The following NBPF19 variants were observed in gnomAD, a reference collection of about 807,000 sequenced individuals.
NBPF19 encodes the protein NBPF member 19, also known as NBPF family member NBPF19.
A neutral mutation model predicts 45.9 loss-of-function variants in NBPF19; 30 were observed. The ratio of observed to expected loss-of-function variants is 0.65; its 90% CI spans 0.49 to 0.89. The LOEUF (loss-of-function observed/expected upper bound fraction) is 0.89, where lower values mean the gene tolerates loss of function less well. Ranked by LOEUF, NBPF19 falls within the 40% of genes least tolerant of loss-of-function variation. The pLI is 0.00. For missense variants in NBPF19, 495 were observed against 471.8 expected (o/e 1.05, Z -0.46); for synonymous variants, 183 against 181.2 (o/e 1.01, Z -0.08).
rs1347325987 is a variant in NBPF19, at chr1:149,554,537, A to T, written c.11331A>T (p.Leu3777Phe). 1.2e-6 allele frequency: 2 copies of T among 1,608,006 alleles called. No individual in the cohort carries two copies. The highest frequency in any genetic ancestry group is 1.3e-5 in the African/African-American group (1 of 74,562). The change falls in exon 94 of 94, where the codon TTA becomes TTT. Residue 3777 changes from leucine (L) to phenylalanine (F), a missense_variant. Around this residue, in one of 8 missense-constraint regions of NBPF19, gnomAD observed 248 missense variants for 95.4 expected, o/e 2.60. Transcript: ENST00000651566. ...TGGAAGTGGAAGAGCCTGAAGTCTT[A>T]CAGGACTCACTGGATGGATGTTATT... ...VLMEVEEPEV[L>F]QDSLDGCYST...
At chr1:149,484,495 A>T (rs2085395411) in intron 7 of NBPF19, among the ~76,000 whole-genome samples, 1 of 145,866 alleles carries the variant, frequency 6.9e-6, no homozygotes, top group East Asian at 2.2e-4. Flanking sequence ...TTAAAGTATT[A>T]AAAAAAATAT....
chr1:149,488,074 T>C lies in NBPF19; in HGVS notation c.1102T>C (p.Cys368Arg), dbSNP rs1334734655. The C allele has an allele frequency of 1.5e-6, 1 of 671,532 alleles. No homozygotes were observed. The highest frequency in any genetic ancestry group is 2.3e-5 in the Admixed American group (1 of 44,272). The allele number at this position is 671,532 out of a possible 1,614,324, so 41.6% of individuals were successfully genotyped here. ...PEVLQDSLDR[C>R]YSTPSGCLEL... ...AGTCTTGCAGGACTCACTGGATAGA[T>C]GTTATTCAACTCCTTCAGGTTGTCT... Residue 368 changes from cysteine to arginine, a missense_variant, in exon 10 of 94, where the codon TGT becomes CGT. Transcript: ENST00000651566.
rs2086672110 is a variant in NBPF19, at chr1:149,520,654, G to A, written c.6135G>A (p.Gly2045=). The change falls in exon 51 of 94, where the codon GGG becomes GGA. Residue 2045 remains glycine (G), a synonymous_variant. Coordinates refer to ENST00000651566, the MANE Select transcript of NBPF19 (RefSeq NM_001351365.2). ...KKERRRGRKE[G]EEDQNPPCPR... ...AAAGAAGAAGGGGAAGAAAAGAAGGGGAAGAAGATCAAAACCCACCATGCC... is the reference window on the plus strand; with the variant it reads ...AAAGAAGAAGGGGAAGAAAAGAAGGAGAAGAAGATCAAAACCCACCATGCC... 3.8e-5 allele frequency: 1 copy of A among 26,010 alleles called. No homozygotes were observed. Among genetic ancestry groups the A allele is most frequent in the Admixed American group, 5.6e-4 (1 of 1,796 alleles). 1.6% of individuals were successfully genotyped at this position (26,010 alleles called of 1,614,324 possible).
At chr1:149,535,272 GTA>G (rs1242674580) in intron 69 of NBPF19, among the ~76,000 whole-genome samples, 1 of 87,502 alleles carries the variant, frequency 1.1e-5, no homozygotes, top group Non-Finnish European at 2.5e-5. Context: ...TCCCTTACCA[GTA>G]TGTCACCTGG....
rs1437212713 is a variant in NBPF19 at position 149,478,813 on chromosome 1, G to C, written c.279-67G>C. On this transcript the variant is annotated intron_variant, in intron 3 of 93. Coordinates refer to ENST00000651566, the MANE Select transcript of NBPF19 (RefSeq NM_001351365.2). ...TGAGGACATTGTCTCAGAAGTCTCT[G>C]TTGCAATATTTGAACGGATCACTCA... The C allele has an allele frequency of 8.0e-6, 11 of 1,375,466 alleles. No individual in the cohort carries two copies. The African/African-American group carries it at 1.0e-4, about 12-fold the overall frequency. The allele number at this position is 1,375,466 out of a possible 1,614,324, so 85.2% of individuals were successfully genotyped here. A position where few individuals can be genotyped will look rare whatever the true frequency, so the allele number is the denominator to read the frequency against.
chr1:149,486,850 G>T (rs1206032728), intron 8 of NBPF19, among the ~76,000 whole-genome samples: 15 of 150,464 alleles, frequency 1.0e-4, no homozygotes, highest in African/African-American at 2.0e-4. Flanking sequence ...ATAAATGGCT[G>T]ACTTTTCACC....
chr1:149,488,602 C>A (rs1357152947), intron 10 of NBPF19, among the ~76,000 whole-genome samples: 4 of 60,268 alleles, frequency 6.6e-5, no homozygotes, highest in African/African-American at 1.5e-4. Flanking sequence ...CTCCTAGCAA[C>A]CATTTGGGGG....
At chr1:149,494,548 T>C in intron 18 of NBPF19, 58 bp downstream of exon 18, 5 of 145,220 alleles carry the variant, frequency 3.4e-5, no homozygotes, top group Admixed American at 1.6e-4. Context: ...ATAGGGGTGA[T>C]ATTCCTGTTC....
chr1:149,478,630 A>G (rs1305367734), intron 3 of NBPF19, among the ~76,000 whole-genome samples: 1 of 150,902 alleles, frequency 6.6e-6, no homozygotes, highest in East Asian at 1.9e-4. Context: ...GAAGACACCT[A>G]CTTTTGTTTA....
In NBPF19 at chr1:149,528,872, A is replaced by C. The variant is rs1411131527; in HGVS notation, c.7347-302A>C. On this transcript the variant is annotated intron_variant, in intron 61 of 93. Coordinates refer to ENST00000651566, the MANE Select transcript of NBPF19 (RefSeq NM_001351365.2). Reference sequence around the variant, plus strand: ...ACTGTATGCTGTGTGTCCTGAGGGCACTAACTCAGAGTGTCCTGTTACTCC... The same window carrying C: ...ACTGTATGCTGTGTGTCCTGAGGGCCCTAACTCAGAGTGTCCTGTTACTCC... 1.1e-4 allele frequency among the ~76,000 whole-genome samples: 14 copies of C among 122,170 alleles called. No individual in the cohort carries two copies. In the South Asian group the frequency reaches 4.0e-3, roughly 35 times the overall value. 80.1% of individuals were successfully genotyped at this position (122,170 alleles called of 152,430 possible).
intron 8 of NBPF19, 36 bp from the exon 9 acceptor site, chr1:149,487,296 C>T (rs2085591912): frequency 2.0e-6 from 3 of 1,506,376 alleles, no homozygotes; most frequent in South Asian, 1.1e-5. Context: ...CAAGGAAGAA[C>T]TTAATGTAAG....
Position 149,483,566 on chromosome 1 carries a change from T to C in NBPF19, c.824+1340T>C, listed in dbSNP as rs1447225111. On this transcript the variant is annotated intron_variant, in intron 7 of 93. Coordinates refer to ENST00000651566, the MANE Select transcript of NBPF19 (RefSeq NM_001351365.2). ...ATATTGTTATGTGTGAATTTGATCC[T>C]GTCGTTATGATGTTAGCTGGTTATT... 1.3e-4 allele frequency among the ~76,000 whole-genome samples: 20 copies of C among 150,184 alleles called. 1 individual carries two copies. The highest frequency in any genetic ancestry group is 4.7e-4 in the African/African-American group (19 of 40,832).
At position 149,488,096 on chromosome 1, in the gene NBPF19, G is replaced by T. The variant is rs1161075060; in HGVS notation, c.1124G>T (p.Cys375Phe). ...AGATGTTATTCAACTCCTTCAGGTTGTCTTGAACTGACTGACTCATGCCAG... is the reference window on the plus strand; with the variant it reads ...AGATGTTATTCAACTCCTTCAGGTTTTCTTGAACTGACTGACTCATGCCAG... ...LDRCYSTPSG[C>F]LELTDSCQPY... The change falls in exon 10 of 94, where the codon TGT becomes TTT. Residue 375 changes from cysteine to phenylalanine, a missense_variant. This residue lies in a region of NBPF19 where 146 missense variants were observed against 67.3 expected (regional missense o/e 2.17). Transcript: ENST00000651566. 1.8e-5 allele frequency: 12 copies of T among 663,950 alleles called. No individual in the cohort carries two copies. The highest frequency in any genetic ancestry group is 1.1e-4 in the Admixed American group (5 of 44,034). The allele number at this position is 663,950 out of a possible 1,614,324, so 41.1% of individuals were successfully genotyped here.
At chr1:149,535,323 G>GTC (rs2086988364) in intron 69 of NBPF19, among the ~76,000 whole-genome samples, 2 of 139,838 alleles carry the variant, frequency 1.4e-5, no homozygotes, top group African/African-American at 5.2e-5. Context: ...CTCTGTCTCT[G>GTC]TCTCTCTCTC....
intron 9 of NBPF19, among the ~76,000 whole-genome samples, 193 bp from the exon 10 acceptor site, chr1:149,487,817 GTGT>G (rs2085690312): frequency 6.8e-6 from 1 of 146,258 alleles, no homozygotes; most frequent in African/African-American, 2.5e-5. Context: ...GTGTGTGTGT[GTGT>G]GTGTCTTTCT....
Position 149,478,414 on chromosome 1 carries a change from A to T in NBPF19, c.278+367A>T, listed in dbSNP as rs1243283797. ...ACCTCCTGACTGACTGCGTCTTCTC[A>T]TTCTTTCACTCAATCAATGTTGCCT... On this transcript the variant is annotated intron_variant, in intron 3 of 93. Coordinates refer to ENST00000651566, the MANE Select transcript of NBPF19 (RefSeq NM_001351365.2). Among the ~76,000 whole-genome samples the T allele has an allele frequency of 1.2e-3, 185 of 151,308 alleles. 3 individuals are homozygous for T. The highest frequency in any genetic ancestry group is 4.3e-3 in the African/African-American group (178 of 41,254).
chr1:149,554,352 C>T (rs1448882839), intron 93 of NBPF19, 143 bp from the exon 94 acceptor site: 39 of 1,499,390 alleles, frequency 2.6e-5, no homozygotes, highest in South Asian at 4.9e-5. Flanking sequence ...AACATAAAGG[C>T]AATAAATTTT....
chr1:149,478,340 T>C (rs1399484346), intron 3 of NBPF19, among the ~76,000 whole-genome samples: 1 of 151,236 alleles, frequency 6.6e-6, no homozygotes, highest in African/African-American at 2.4e-5. Flanking sequence ...GCATTCAGTA[T>C]AATCAAAATG....
chr1:149,538,421 T>TTC (rs1189265337), intron 73 of NBPF19, among the ~76,000 whole-genome samples: 3 of 20,312 alleles, frequency 1.5e-4, no homozygotes, highest in African/African-American at 4.0e-4. Flanking sequence ...ACTGAGCTCG[T>TTC]TCTCTCTCTC....
Sources: allele counts gnomAD v4.1 joint callset (sites outside exome capture counted in the v4.1 genomes callset), GRCh38; gene constraint gnomAD v4.1.1; regional missense constraint gnomAD v4.1.1; transcripts MANE v1.5; gene names NCBI Gene and HGNC (gene_info 2026-07-23, HGNC 2026-07-21).